The following LCORL variants were observed in gnomAD, a reference collection of about 807,000 sequenced individuals.
LCORL encodes the protein ligand dependent nuclear receptor corepressor like, also known as ligand-dependent nuclear receptor corepressor-like protein.
In LCORL, 41 loss-of-function variants were observed where a neutral mutation model predicts 141.8. The observed-to-expected ratio is 0.29, with a 90% CI of 0.23 to 0.38. The LOEUF is 0.38. Among genes scored for constraint, LCORL ranks in the 10% least tolerant of loss-of-function variants. The pLI is 1.00. For missense variants in LCORL, 1,759 were observed against 2,035.0 expected, an observed-to-expected ratio of 0.86 and a Z score of 2.61; for synonymous variants, 618 against 694.1, an observed-to-expected ratio of 0.89 and a Z score of 1.72.
At chr4:17,931,732 T>A (rs1394729167) in intron 4 of LCORL, among the ~76,000 whole-genome samples, 1 of 152,138 alleles carries the variant, frequency 6.6e-6, no homozygotes, top group Non-Finnish European at 1.5e-5. Flanking sequence ...TATATAAAAA[T>A]TTTTTGTGAA....
At chr4:17,851,422 G>A (rs1723694976) in intron 7 of LCORL, among the ~76,000 whole-genome samples, 1 of 152,114 alleles carries the variant, frequency 6.6e-6, no homozygotes, top group Non-Finnish European at 1.5e-5. Flanking sequence ...GTAGGTATCT[G>A]TGTTTCAACT....
intron 4 of LCORL, among the ~76,000 whole-genome samples, chr4:17,944,036 T>C (rs555004926): frequency 6.6e-6 from 1 of 152,316 alleles, no homozygotes; most frequent in Admixed American, 6.5e-5. Context: ...GTCTTAAATC[T>C]AGTTTACCCA....
At chr4:17,851,504 C>T (rs982441127) in intron 7 of LCORL, among the ~76,000 whole-genome samples, 28 of 152,074 alleles carry the variant, frequency 1.8e-4, no homozygotes, top group Admixed American at 1.6e-3. Flanking sequence ...ATTTTGGATA[C>T]TGTTTCATAT....
At chr4:17,899,700 C>T (rs1730582420) in intron 5 of LCORL, among the ~76,000 whole-genome samples, 1 of 152,072 alleles carries the variant, frequency 6.6e-6, no homozygotes. Context: ...CGAAAGTTAT[C>T]TCTTTGGGGA....
At chr4:17,841,304 C>G (rs1173513811) in exon 8 of LCORL, 3 of 151,926 alleles carry the variant, frequency 2.0e-5, no homozygotes, top group Admixed American at 2.0e-4. Context: ...CACTAATAAT[C>G]CCACCCATGA....
At chr4:17,961,826 A>G in intron 4 of LCORL, 77 bp downstream of exon 4, 1 of 1,245,598 alleles carries the variant, frequency 8.0e-7, no homozygotes. Context: ...TGACATATAA[A>G]AAACTTTTGT....
chr4:17,862,076 GT>G (rs1725077194), intron 7 of LCORL, among the ~76,000 whole-genome samples: 3 of 152,120 alleles, frequency 2.0e-5, no homozygotes, highest in Non-Finnish European at 4.4e-5. Context: ...CAGTTCCAAG[GT>G]TGCTTCCAGA....
In LCORL at chr4:17,897,213, C is replaced by CCTTTTTTTTTTTTTTTTT. The variant is rs1553863446; in HGVS notation, c.683-11053_683-11052insAAAAAAAAAAAAAAAAAG. On this transcript the variant is annotated intron_variant, in intron 5 of 7. Transcript: ENST00000635767. ...AGACTTCTCTTTGATATACTGATTTCTTTTTTTTTTTTTTTTTTTTTTTTT... is the reference window on the plus strand; with the variant it reads ...AGACTTCTCTTTGATATACTGATTTCCTTTTTTTTTTTTTTTTTTTTTTTTTTTTTTTTTTTTTTTTTT... Among the ~76,000 whole-genome samples, 138 of 63,986 alleles carry CCTTTTTTTTTTTTTTTTT rather than the reference C, an allele frequency of 2.2e-3. 67 individuals carry two copies. Among genetic ancestry groups the CCTTTTTTTTTTTTTTTTT allele is most frequent in the Admixed American group, 4.5e-3 (18 of 4,014 alleles). The allele number at this position is 63,986 out of a possible 152,430, so 42.0% of individuals were successfully genotyped here.
chr4:17,996,821 TATCAGAATC>T (rs1320197135), intron 1 of LCORL, among the ~76,000 whole-genome samples: 7 of 152,076 alleles, frequency 4.6e-5, no homozygotes, highest in Admixed American at 4.6e-4. Context: ...TTATAATGGA[TATCAGAATC>T]ATTGTTCTAA....
chr4:17,883,711 A>G, intron 6 of LCORL: 1 of 1,510,032 alleles, frequency 6.6e-7, no homozygotes, highest in African/African-American at 1.4e-5. Flanking sequence ...CATTTTCCTA[A>G]CAAGTAATCT....
intron 4 of LCORL, among the ~76,000 whole-genome samples, chr4:17,917,202 T>C (rs1196085209): frequency 6.6e-6 from 1 of 151,632 alleles, no homozygotes; most frequent in Non-Finnish European, 1.5e-5. Context: ...TTTTTTGTTT[T>C]GTTTTGTTTT....
At chr4:17,995,662 G>A (rs1720799277) in intron 1 of LCORL, among the ~76,000 whole-genome samples, 1 of 152,076 alleles carries the variant, frequency 6.6e-6, no homozygotes, top group African/African-American at 2.4e-5. Flanking sequence ...CCTGTTGAAG[G>A]CTTAAACACA....
intron 6 of LCORL, chr4:17,882,766 T>C: frequency 1.0e-6 from 1 of 984,588 alleles, no homozygotes; most frequent in Non-Finnish European, 1.2e-6. Context: ...TGTGTCACAA[T>C]CCTTAAAATT....
Position 18,021,756 on chromosome 4 carries a change from G to T in LCORL, c.-5C>A. On this transcript the variant is annotated 5_prime_UTR_variant, in exon 1 of 8. Transcript: ENST00000635767. The surrounding 1 kb of genome is among the most constrained non-coding windows in gnomAD (Gnocchi z 5.5). Reference sequence around the variant, plus strand: ...TCTCTCTCTTCCCTTGTCCATCTGCGTCCCGCGTCACGCGCCCTCATTTAC... The same window carrying T: ...TCTCTCTCTTCCCTTGTCCATCTGCTTCCCGCGTCACGCGCCCTCATTTAC... The T allele has an allele frequency of 6.7e-7, 1 of 1,489,976 alleles. No homozygotes were observed. The highest frequency in any genetic ancestry group is 8.9e-7 in the Non-Finnish European group (1 of 1,124,770). 92.3% of individuals were successfully genotyped at this position (1,489,976 alleles called of 1,614,324 possible).
Position 17,887,093 on chromosome 4 carries a change from G to C in LCORL, c.683-932C>G, listed in dbSNP as rs191127883. 4.7e-3 allele frequency among the ~76,000 whole-genome samples: 719 copies of C among 152,144 alleles called. 1 individual carries two copies. The highest frequency in any genetic ancestry group is 6.9e-3 in the Non-Finnish European group (472 of 67,986). ...TAACCATAATCAATCCATGAAATAT[G>C]TATGTTCCTGGGCAGATACAAAGAT... On this transcript the variant is annotated intron_variant, in intron 5 of 7. Transcript: ENST00000635767.
Position 17,962,646 on chromosome 4 carries a change from A to T in LCORL, c.300+324T>A, listed in dbSNP as rs537065109. Reference sequence around the variant, plus strand: ...TCAGATTGTAGGGTGGTCTCAGACCAAAGTAGGCCTTCAAGCTCATCCCTC... The same window carrying T: ...TCAGATTGTAGGGTGGTCTCAGACCTAAGTAGGCCTTCAAGCTCATCCCTC... On this transcript the variant is annotated intron_variant, in intron 3 of 7. Coordinates refer to ENST00000635767, the Ensembl canonical transcript of LCORL. 1.9e-4 allele frequency among the ~76,000 whole-genome samples: 29 copies of T among 152,154 alleles called. No homozygotes were observed. In the South Asian group the frequency reaches 5.8e-3, roughly 30 times the overall value.
intron 4 of LCORL, chr4:17,911,911 G>A (rs1173123721): frequency 3.4e-4 from 176 of 516,162 alleles, no homozygotes; most frequent in Non-Finnish European, 1.1e-4. Context: ...CATCCAGAAC[G>A]AGGAGGAGAC....
exon 8 of LCORL, chr4:17,842,483 A>C (rs1029483242): frequency 2.7e-5 from 24 of 879,044 alleles, no homozygotes; most frequent in Admixed American, 4.4e-5. Context: ...ATATATAACA[A>C]GATAGTGAAA....
Position 18,021,848 on chromosome 4 carries a change from C to G in LCORL, c.-97G>C. The G allele has an allele frequency of 2.2e-6, 3 of 1,353,208 alleles. No homozygotes were observed. The South Asian group carries it at 4.8e-5, about 22-fold the overall frequency. 83.8% of individuals were successfully genotyped at this position (1,353,208 alleles called of 1,614,324 possible). ...GCGCGAGCCCCGGAGCGCGCGCCCC[C>G]CGGAGGGGGGTTGATTGACACGTGT... On this transcript the variant is annotated 5_prime_UTR_variant, in exon 1 of 8. Transcript: ENST00000635767. This position sits in a 1 kb window ranked among gnomAD's most constrained non-coding sequence, Gnocchi z 5.5.
Sources: allele counts gnomAD v4.1 joint callset (sites outside exome capture counted in the v4.1 genomes callset), GRCh38; gene constraint gnomAD v4.1.1; non-coding constraint Gnocchi (gnomAD v3.1); transcripts MANE v1.5; gene names NCBI Gene and HGNC (gene_info 2026-07-23, HGNC 2026-07-21).